The following KDM4C variants were observed in gnomAD, a reference collection of about 807,000 sequenced individuals.
The protein encoded by KDM4C is lysine-specific demethylase 4C.
KDM4C carries 81 observed loss-of-function variants against 129.3 expected under a neutral mutation model. The observed-to-expected ratio is 0.63, with a 90% CI of 0.52 to 0.75. KDM4C has a LOEUF of 0.75. KDM4C is among the 30% of genes least tolerant of loss of function. KDM4C has a pLI of 0.00. For synonymous variants in KDM4C, 573 were observed against 456.1 expected (o/e 1.26, Z -3.26); for missense variants, 1,457 against 1,304.0 (o/e 1.12, Z -1.81).
intron 15 of KDM4C, among the ~76,000 whole-genome samples, chr9:7,041,363 C>G (rs1327745430): frequency 1.3e-5 from 2 of 151,982 alleles, no homozygotes; most frequent in Admixed American, 1.3e-4. Context: ...TTCAGCATCT[C>G]TGGATTTTGG....
chr9:6,962,893 G>A (rs1830268823), intron 8 of KDM4C, among the ~76,000 whole-genome samples: 1 of 152,108 alleles, frequency 6.6e-6, no homozygotes, highest in Admixed American at 6.6e-5. Context: ...ATGCATGTGA[G>A]AATTATCTAG....
chr9:7,008,874 T>C (rs888783401), intron 12 of KDM4C, among the ~76,000 whole-genome samples: 1 of 152,152 alleles, frequency 6.6e-6, no homozygotes, highest in Non-Finnish European at 1.5e-5. Flanking sequence ...AAAATTTGGA[T>C]GGACTGACTG....
At chr9:6,752,332 CA>C (rs1159747148) in intron 1 of KDM4C, among the ~76,000 whole-genome samples, 3,411 of 18,994 alleles carry the variant, frequency 0.18, 5 homozygotes, top group Middle Eastern at 0.28. Context: ...AACTCCGTCT[CA>C]AAAAAAAAAA....
chr9:6,992,458 C>A (rs1280750331), intron 12 of KDM4C, among the ~76,000 whole-genome samples: 1 of 152,162 alleles, frequency 6.6e-6, no homozygotes, highest in East Asian at 1.9e-4. Context: ...ATGTTAAGGA[C>A]CCCTGGTGAC....
chr9:6,894,786 T>G (rs890394584), intron 8 of KDM4C, among the ~76,000 whole-genome samples: 2 of 152,116 alleles, frequency 1.3e-5, no homozygotes, highest in Non-Finnish European at 2.9e-5. Flanking sequence ...CCCATCACAG[T>G]TGTGGGAATG....
At chr9:6,801,744 A>G (rs978005404) in intron 2 of KDM4C, among the ~76,000 whole-genome samples, 6 of 152,222 alleles carry the variant, frequency 3.9e-5, no homozygotes, top group Non-Finnish European at 8.8e-5. Flanking sequence ...TCTATACATT[A>G]ATAAGGAAAA....
intron 1 of KDM4C, among the ~76,000 whole-genome samples, chr9:6,779,076 T>A (rs897763779): frequency 3.4e-5 from 5 of 145,350 alleles, no homozygotes; most frequent in African/African-American, 1.3e-4. Flanking sequence ...TCGCCCAGGC[T>A]GGAGTGCAGT....
At chr9:7,046,747 C>G (rs776219019) in intron 15 of KDM4C, 115 bp from the exon 16 acceptor site, 4 of 793,550 alleles carry the variant, frequency 5.0e-6, no homozygotes, top group South Asian at 3.1e-5. Context: ...CATGTAATTC[C>G]TGATGGTTTT....
At position 6,986,498 on chromosome 9, in the gene KDM4C, C is replaced by T. The variant is rs373821690; in HGVS notation, c.1509C>T (p.Ser503=). The T allele has an allele frequency of 7.7e-5, 125 of 1,613,944 alleles. 1 individual carries two copies. In the Middle Eastern group the frequency reaches 9.9e-4, roughly 13 times the overall value. ...GYEKPEKSDP[S]ELSWPKSPES... Reference sequence around the variant, plus strand: ...AGAAGCCCGAGAAATCAGACCCATCCGAGCTTTCATGGCCAAAGTCACCTG... The same window carrying T: ...AGAAGCCCGAGAAATCAGACCCATCTGAGCTTTCATGGCCAAAGTCACCTG... The change falls in exon 11 of 22, where the codon TCC becomes TCT. Residue 503 remains serine, a synonymous_variant. Transcript: ENST00000381309.
intron 1 of KDM4C, among the ~76,000 whole-genome samples, chr9:6,728,274 G>A (rs146790355): frequency 0.024 from 3,617 of 152,244 alleles, 142 homozygotes; most frequent in African/African-American, 0.083. Flanking sequence ...GGTGGCTCAC[G>A]CCTGTAATCC....
At chr9:6,806,866 CTCTCCGTCTCCG>C (rs529750174) in intron 3 of KDM4C, among the ~76,000 whole-genome samples, 2 of 143,504 alleles carry the variant, frequency 1.4e-5, no homozygotes, top group African/African-American at 5.5e-5. Context: ...GTTGCTCTCC[CTCTCCGTCTCCG>C]TCTCCCTCTC....
chr9:6,807,388 G>A (rs1413326375), intron 3 of KDM4C, among the ~76,000 whole-genome samples: 4 of 145,046 alleles, frequency 2.8e-5, no homozygotes, highest in Admixed American at 6.8e-5. Context: ...GCCCAGTCTG[G>A]AAAGTGAGGA....
At chr9:6,927,137 A>ATCTG (rs1563826933) in intron 8 of KDM4C, among the ~76,000 whole-genome samples, 77 of 143,194 alleles carry the variant, frequency 5.4e-4, no homozygotes, top group African/African-American at 1.8e-3. Flanking sequence ...CTATCTATCT[A>ATCTG]TCTGTTTTTT....
At chr9:7,142,313 G>A (rs1172421095) in intron 19 of KDM4C, among the ~76,000 whole-genome samples, 3 of 152,064 alleles carry the variant, frequency 2.0e-5, no homozygotes, top group Admixed American at 6.6e-5. Context: ...ATAGAGATGG[G>A]GTCTTTCGCT....
chr9:7,105,326 G>A lies in KDM4C; in HGVS notation c.2610+1456G>A, dbSNP rs7872820. ...TGCCAGTAACAGATTGTGCAACCCT[G>A]TGCAAGTTCTTATTTCTGAGCCTCA... is the stretch of plus-strand genomic sequence containing the variant. On this transcript the variant is annotated intron_variant, in intron 18 of 21. Transcript: ENST00000381309. 3.0e-4 allele frequency: 126 copies of A among 421,508 alleles called. 1 individual carries two copies. The highest frequency in any genetic ancestry group is 2.4e-3 in the African/African-American group (118 of 49,128). The allele number at this position is 421,508 out of a possible 1,614,324, so 26.1% of individuals were successfully genotyped here. A position where few individuals can be genotyped will look rare whatever the true frequency, so the allele number is the denominator to read the frequency against.
At chr9:7,087,721 C>G (rs746355974) in intron 17 of KDM4C, among the ~76,000 whole-genome samples, 1 of 152,006 alleles carries the variant, frequency 6.6e-6, no homozygotes, top group Non-Finnish European at 1.5e-5. Context: ...GAAAGAAGAG[C>G]CTGTTCTTTT....
At chr9:6,812,082 T>C (rs1480005714) in intron 3 of KDM4C, among the ~76,000 whole-genome samples, 3 of 152,108 alleles carry the variant, frequency 2.0e-5, no homozygotes, top group African/African-American at 7.2e-5. Flanking sequence ...CTTAGAGTTA[T>C]GAGTTTTAAA....
At chr9:6,821,404 A>T (rs1833007805) in intron 4 of KDM4C, among the ~76,000 whole-genome samples, 1 of 152,088 alleles carries the variant, frequency 6.6e-6, no homozygotes, top group Non-Finnish European at 1.5e-5. Flanking sequence ...CTTTTTAATG[A>T]TCACCATTCT....
At chr9:7,132,481 ATTCT>A (rs748415441) in intron 19 of KDM4C, among the ~76,000 whole-genome samples, 30 of 152,318 alleles carry the variant, frequency 2.0e-4, no homozygotes, top group Middle Eastern at 3.4e-3. Context: ...TGTGCAAAAA[ATTCT>A]TTCTCAACAA....
Sources: allele counts gnomAD v4.1 joint callset (sites outside exome capture counted in the v4.1 genomes callset), GRCh38; gene constraint gnomAD v4.1.1; transcripts MANE v1.5; gene names NCBI Gene and HGNC (gene_info 2026-07-23, HGNC 2026-07-21).